The following PDLIM5 variants were observed in gnomAD, a reference collection of about 807,000 sequenced individuals.
PDLIM5 encodes PDZ and LIM domain protein 5.
In PDLIM5, 34 loss-of-function variants were observed where a neutral mutation model predicts 64.2. That is an observed-to-expected ratio of 0.53 (90% CI 0.40 to 0.71). PDLIM5 has a LOEUF of 0.71. Ranked by LOEUF, PDLIM5 falls within the 30% of genes least tolerant of loss-of-function variation. The probability of loss-of-function intolerance (pLI) is 0.00; values close to 1 mark genes in which losing one functional copy is unlikely to be tolerated. For missense variants in PDLIM5, 683 were observed against 733.6 expected, an observed-to-expected ratio of 0.93 and a Z score of 0.80; for synonymous variants, 253 against 269.1, an observed-to-expected ratio of 0.94 and a Z score of 0.59.
At chr4:94,528,662 A>T (rs1730589916) in intron 3 of PDLIM5, among the ~76,000 whole-genome samples, 1 of 152,206 alleles carries the variant, frequency 6.6e-6, no homozygotes, top group African/African-American at 2.4e-5. Context: ...GATTTTGGGG[A>T]CATAGCAGTG....
intron 9 of PDLIM5, among the ~76,000 whole-genome samples, chr4:94,644,777 A>T: frequency 6.6e-6 from 1 of 152,020 alleles, no homozygotes; most frequent in Non-Finnish European, 1.5e-5. Context: ...TCCTGACCTC[A>T]TGATCCACCT....
chr4:94,656,285 C>G (rs1168281602), intron 10 of PDLIM5, among the ~76,000 whole-genome samples: 4 of 151,902 alleles, frequency 2.6e-5, no homozygotes, highest in African/African-American at 9.7e-5. Context: ...GTATTCACTA[C>G]TCATCCAAAA....
chr4:94,552,475 A>C (rs540399952), intron 3 of PDLIM5, among the ~76,000 whole-genome samples: 1 of 152,256 alleles, frequency 6.6e-6, no homozygotes, highest in African/African-American at 2.4e-5. Context: ...TTTAAAATAA[A>C]AAAGAAATAG....
rs116458668 is a variant in PDLIM5 at position 94,470,662 on chromosome 4, T to A, written c.96+15278T>A. Reference sequence around the variant, plus strand: ...TTCAGAGAGATCACTTGATTAGAGTTAATGTCTAGTTTCAGTAAATTCAGA... The same window carrying A: ...TTCAGAGAGATCACTTGATTAGAGTAAATGTCTAGTTTCAGTAAATTCAGA... On this transcript the variant is annotated intron_variant, in intron 2 of 12. Coordinates refer to ENST00000317968, the MANE Select transcript of PDLIM5 (RefSeq NM_006457.5). 2.2e-3 allele frequency among the ~76,000 whole-genome samples: 339 copies of A among 152,338 alleles called. 2 individuals are homozygous for A. The highest frequency in any genetic ancestry group is 2.9e-3 in the Non-Finnish European group (199 of 68,036).
At chr4:94,511,426 G>A (rs1292056549) in intron 2 of PDLIM5, among the ~76,000 whole-genome samples, 1 of 151,980 alleles carries the variant, frequency 6.6e-6, no homozygotes, top group Admixed American at 6.6e-5. Context: ...GTGGAGAATC[G>A]GGTCTCCATC....
intron 3 of PDLIM5, 92 bp from the exon 4 acceptor site, chr4:94,573,259 C>G (rs1734956938): frequency 1.2e-5 from 11 of 884,976 alleles, no homozygotes; most frequent in Non-Finnish European, 2.0e-5. Flanking sequence ...TATATTAAGG[C>G]TATATTATAA....
At chr4:94,654,708 T>G in intron 10 of PDLIM5, 68 bp downstream of exon 10, 12 of 964,538 alleles carry the variant, frequency 1.2e-5, no homozygotes, top group Non-Finnish European at 1.9e-5. Context: ...TATGAAAGTC[T>G]TCTATCACTT....
rs1738937879 is a variant in PDLIM5, at chr4:94,618,149, G to A, written c.1066G>A (p.Gly356Ser). The change falls in exon 8 of 13, where the codon GGC (glycine) becomes AGC (serine). Residue 356 changes from glycine to serine, a missense_variant. Physicochemically the swap from Gly to Ser is moderately conservative, Grantham distance 56 (BLOSUM62 0). Coordinates refer to ENST00000317968, the MANE Select transcript of PDLIM5 (RefSeq NM_006457.5). ...TGCCTTCAAGCCTGTAGGATCCACT[G>A]GCGTCATCAAGTCACCAAGCTGGCA... The part of the protein sequence containing the change: ...AAAFKPVGST[G>S]VIKSPSWQRP... 4 of 1,608,172 alleles carry A rather than the reference G, an allele frequency of 2.5e-6. No homozygotes were observed. In the Admixed American group the frequency reaches 6.8e-5, roughly 27 times the overall value.
intron 1 of PDLIM5, among the ~76,000 whole-genome samples, chr4:94,453,717 A>G (rs1723065463): frequency 6.6e-6 from 1 of 152,164 alleles, no homozygotes; most frequent in Non-Finnish European, 1.5e-5. Context: ...TCCTCCTTTT[A>G]TAGCGGGAAA....
At chr4:94,641,959 G>C (rs906570429) in intron 9 of PDLIM5, among the ~76,000 whole-genome samples, 1 of 152,004 alleles carries the variant, frequency 6.6e-6, no homozygotes, top group Admixed American at 6.6e-5. Context: ...GCTAGTATGG[G>C]GTCTCTGTCT....
chr4:94,536,782 A>G (rs554953295), intron 3 of PDLIM5, among the ~76,000 whole-genome samples: 6 of 152,290 alleles, frequency 3.9e-5, no homozygotes, highest in African/African-American at 7.2e-5. Flanking sequence ...ATTTTTGTCC[A>G]TAGCTCAAGG....
intron 2 of PDLIM5, among the ~76,000 whole-genome samples, chr4:94,515,153 A>G (rs1729251888): frequency 6.6e-6 from 1 of 152,174 alleles, no homozygotes; most frequent in East Asian, 1.9e-4. Flanking sequence ...TATAAGATAC[A>G]GTTAGTTTGA....
Position 94,538,469 on chromosome 4 carries a change from G to A in PDLIM5, c.248+14594G>A, listed in dbSNP as rs542812562. Among the ~76,000 whole-genome samples the A allele has an allele frequency of 5.9e-5, 9 of 152,292 alleles. No individual in the cohort carries two copies. In the South Asian group the frequency reaches 1.9e-3, roughly 32 times the overall value. On this transcript the variant is annotated intron_variant, in intron 3 of 12. Transcript: ENST00000317968. ...TGTCACAGTAGTGACACAGGAATTGGAGTAGTGTGGTGGAGGAGGGAAGGA... is the reference window on the plus strand; with the variant it reads ...TGTCACAGTAGTGACACAGGAATTGAAGTAGTGTGGTGGAGGAGGGAAGGA...
intron 8 of PDLIM5, among the ~76,000 whole-genome samples, chr4:94,630,244 C>G (rs1477990654): frequency 6.6e-6 from 1 of 152,120 alleles, no homozygotes; most frequent in Admixed American, 6.6e-5. Flanking sequence ...GTGTTTTTAA[C>G]AAGAACACCT....
At chr4:94,533,178 A>G (rs1731044795) in intron 3 of PDLIM5, among the ~76,000 whole-genome samples, 1 of 152,224 alleles carries the variant, frequency 6.6e-6, no homozygotes, top group Admixed American at 6.5e-5. Context: ...ACTTGAAGGC[A>G]CAATTTAATT....
chr4:94,579,535 A>G (rs777929849), intron 5 of PDLIM5: 1 of 1,365,384 alleles, frequency 7.3e-7, no homozygotes, highest in Non-Finnish European at 1.0e-6. Context: ...CACAAGTGAC[A>G]AAGTTAGTAT....
chr4:94,630,849 A>G (rs1057454039), intron 8 of PDLIM5, among the ~76,000 whole-genome samples: 2 of 152,178 alleles, frequency 1.3e-5, no homozygotes, highest in African/African-American at 4.8e-5. Context: ...AAGTATTCAC[A>G]CCAATATGAA....
intron 2 of PDLIM5, among the ~76,000 whole-genome samples, chr4:94,472,387 AGTTTT>A (rs544194695): frequency 1.2e-4 from 18 of 152,102 alleles, no homozygotes; most frequent in South Asian, 2.1e-4. Context: ...CATTCAGTGT[AGTTTT>A]GTTTTGTTTT....
chr4:94,546,804 C>T (rs905927078), intron 3 of PDLIM5, among the ~76,000 whole-genome samples: 8 of 150,628 alleles, frequency 5.3e-5, no homozygotes, highest in Non-Finnish European at 1.2e-4. Context: ...TTAATATGTT[C>T]AACCCTAGCA....
Sources: allele counts gnomAD v4.1 joint callset (sites outside exome capture counted in the v4.1 genomes callset), GRCh38; gene constraint gnomAD v4.1.1; transcripts MANE v1.5; gene names NCBI Gene and HGNC (gene_info 2026-07-23, HGNC 2026-07-21).